Variants in FAM135B observed in about 807,000 individuals in gnomAD.
The protein encoded by FAM135B is family with sequence similarity 135 member B.
FAM135B carries 43 observed loss-of-function variants against 127.7 expected under a neutral mutation model. That is an observed-to-expected ratio of 0.34 (90% CI 0.26 to 0.43). The LOEUF is 0.43. Ranked by LOEUF, FAM135B falls within the 20% of genes least tolerant of loss-of-function variation. FAM135B has a pLI of 1.00. For missense variants in FAM135B, 1,558 were observed against 1,725.6 expected (o/e 0.90, Z 1.72); for synonymous variants, 670 against 665.1 (o/e 1.01, Z -0.11).
At chr8:138,283,181 A>G (rs1824396343) in intron 3 of FAM135B, among the ~76,000 whole-genome samples, 2 of 152,234 alleles carry the variant, frequency 1.3e-5, no homozygotes, top group South Asian at 4.1e-4. Flanking sequence ...AGTTTTATTC[A>G]TAATTGCCAA....
At chr8:138,478,299 T>C (rs766877207) in intron 1 of FAM135B, among the ~76,000 whole-genome samples, 15 of 152,132 alleles carry the variant, frequency 9.9e-5, no homozygotes, top group African/African-American at 3.6e-4. Flanking sequence ...TATAGGTCCT[T>C]GTCTTTGCAA....
intron 1 of FAM135B, among the ~76,000 whole-genome samples, chr8:138,377,344 G>A (rs893304216): frequency 3.9e-5 from 6 of 152,160 alleles, no homozygotes; most frequent in Admixed American, 2.0e-4. Flanking sequence ...AATAGAGAAG[G>A]GATCTACCTC....
intron 1 of FAM135B, among the ~76,000 whole-genome samples, chr8:138,489,701 C>T (rs755286808): frequency 1.2e-4 from 18 of 152,128 alleles, no homozygotes; most frequent in South Asian, 2.1e-4. Flanking sequence ...AGCTTCCCAC[C>T]CCTGTCTCAA....
chr8:138,133,079 T>C (rs1199861378), intron 19 of FAM135B, among the ~76,000 whole-genome samples: 1 of 152,152 alleles, frequency 6.6e-6, no homozygotes, highest in East Asian at 1.9e-4. Flanking sequence ...TTCTCAATAA[T>C]AGCTGTACCT....
intron 2 of FAM135B, among the ~76,000 whole-genome samples, chr8:138,352,102 AG>A (rs1215588489): frequency 2.0e-5 from 3 of 152,192 alleles, no homozygotes; most frequent in Non-Finnish European, 4.4e-5. Context: ...GGCCACATGA[AG>A]GCTGACTGAT....
At chr8:138,192,004 C>G (rs1301604416) in intron 9 of FAM135B, among the ~76,000 whole-genome samples, 1 of 152,230 alleles carries the variant, frequency 6.6e-6, no homozygotes, top group East Asian at 1.9e-4. Flanking sequence ...CAGCCTCACC[C>G]TGTTCTGCTT....
chr8:138,142,382 C>A (rs1817268033), intron 16 of FAM135B, among the ~76,000 whole-genome samples: 1 of 136,900 alleles, frequency 7.3e-6, no homozygotes, highest in Non-Finnish European at 1.5e-5. Flanking sequence ...CGGCTCACTG[C>A]AAGCTCTGCC....
At chr8:138,276,714 T>A (rs1823853108) in intron 3 of FAM135B, among the ~76,000 whole-genome samples, 1 of 152,190 alleles carries the variant, frequency 6.6e-6, no homozygotes, top group Non-Finnish European at 1.5e-5. Flanking sequence ...GTCCCCTCCC[T>A]TCTGTCCATT....
At chr8:138,236,310 C>A (rs1426176121) in intron 7 of FAM135B, among the ~76,000 whole-genome samples, 1 of 152,082 alleles carries the variant, frequency 6.6e-6, no homozygotes, top group East Asian at 1.9e-4. Context: ...GGCACTCCCA[C>A]GTTCATTGGC....
chr8:138,298,414 GAATT>G (rs1413612112), intron 3 of FAM135B, among the ~76,000 whole-genome samples: 3 of 152,162 alleles, frequency 2.0e-5, no homozygotes, highest in African/African-American at 7.2e-5. Flanking sequence ...GCAAAGACCT[GAATT>G]AATTAAGGAA....
chr8:138,199,975 C>T lies in FAM135B; in HGVS notation c.670-2306G>A, dbSNP rs527375637. ...ACCCTAGCAGGGAAGTGTAACCTTGCGGGAGCAGCTCTCTCCAGACAGGGC... is the reference window on the plus strand; with the variant it reads ...ACCCTAGCAGGGAAGTGTAACCTTGTGGGAGCAGCTCTCTCCAGACAGGGC... On this transcript the variant is annotated intron_variant, in intron 7 of 19. Coordinates refer to ENST00000395297, the MANE Select transcript of FAM135B (RefSeq NM_015912.4). Among the ~76,000 whole-genome samples the T allele has an allele frequency of 1.1e-3, 164 of 152,266 alleles. 1 individual carries two copies. The highest frequency in any genetic ancestry group is 1.9e-3 in the Non-Finnish European group (126 of 68,016).
intron 9 of FAM135B, among the ~76,000 whole-genome samples, chr8:138,185,118 G>T (rs867136476): frequency 6.6e-6 from 1 of 152,152 alleles, no homozygotes; most frequent in Admixed American, 6.5e-5. Flanking sequence ...GAAAGGAGAG[G>T]TAACAGTGAC....
intron 1 of FAM135B, among the ~76,000 whole-genome samples, chr8:138,413,803 CA>C (rs1011788272): frequency 3.9e-5 from 6 of 152,024 alleles, no homozygotes; most frequent in African/African-American, 1.4e-4. Context: ...TGCAGTTCAG[CA>C]AGGCAGACAA....
rs544483481 is a variant in FAM135B at position 138,243,577 on chromosome 8, C to T, written c.543-509G>A. ...AGACTGTCATAAGCCAGAAAGCACT[C>T]GCTGTGTCAACGCTAATTGGGAAGA... On this transcript the variant is annotated intron_variant, in intron 6 of 19. Coordinates refer to ENST00000395297, the MANE Select transcript of FAM135B (RefSeq NM_015912.4). This position sits in a 1 kb window ranked among gnomAD's most constrained non-coding sequence, Gnocchi z 7.5. 6.6e-6 allele frequency among the ~76,000 whole-genome samples: 1 copy of T among 152,334 alleles called. No individual in the cohort carries two copies. Among genetic ancestry groups the T allele is most frequent in the African/African-American group, 2.4e-5 (1 of 41,572 alleles).
chr8:138,428,482 C>G (rs1835020735), intron 1 of FAM135B, among the ~76,000 whole-genome samples: 1 of 152,012 alleles, frequency 6.6e-6, no homozygotes, highest in African/African-American at 2.4e-5. Flanking sequence ...AGTGCCTAGG[C>G]CATTGTCTCA....
intron 1 of FAM135B, among the ~76,000 whole-genome samples, chr8:138,379,108 T>C (rs1831672832): frequency 6.6e-6 from 1 of 152,162 alleles, no homozygotes; most frequent in South Asian, 2.1e-4. Flanking sequence ...CTGAAACACA[T>C]GCACACAAAC....
chr8:138,138,124 T>TG (rs1441803241), intron 18 of FAM135B, among the ~76,000 whole-genome samples: 1 of 152,192 alleles, frequency 6.6e-6, no homozygotes. Flanking sequence ...CCCCAGCTCC[T>TG]GCACCCCTGA....
chr8:138,179,121 C>G (rs1814760355), intron 9 of FAM135B, among the ~76,000 whole-genome samples: 1 of 152,064 alleles, frequency 6.6e-6, no homozygotes, highest in African/African-American at 2.4e-5. Flanking sequence ...CTTTTCTATC[C>G]AAGCCTTCTA....
chr8:138,459,983 T>C (rs547920510), intron 1 of FAM135B, among the ~76,000 whole-genome samples: 1 of 152,294 alleles, frequency 6.6e-6, no homozygotes, highest in African/African-American at 2.4e-5. Context: ...TCCTCCTCAA[T>C]TTGAGATAAG....
Sources: gnomAD v4.1 joint callset for allele counts (sites outside exome capture counted in the v4.1 genomes callset) on GRCh38, gnomAD v4.1.1 for gene constraint, Gnocchi (gnomAD v3.1) non-coding constraint, MANE v1.5 for transcripts, NCBI Gene and HGNC (gene_info 2026-07-23, HGNC 2026-07-21) for gene names.